Variants in SNX29 observed in about 807,000 individuals in gnomAD.
SNX29 encodes sorting nexin-29.
In SNX29, 78 loss-of-function variants were observed where a neutral mutation model predicts 102.1. The observed-to-expected ratio is 0.76, with a 90% CI of 0.64 to 0.92. The LOEUF is 0.92. SNX29 is among the 40% of genes least tolerant of loss of function. The pLI, the probability that SNX29 is intolerant of heterozygous loss-of-function variation, is 0.00. For synonymous variants in SNX29, 580 were observed against 414.5 expected (o/e 1.40, Z -4.85); for missense variants, 1,280 against 1,061.7 (o/e 1.21, Z -2.86).
intron 14 of SNX29, among the ~76,000 whole-genome samples, chr16:12,221,159 G>A (rs971878603): frequency 1.2e-4 from 18 of 151,452 alleles, no homozygotes; most frequent in Admixed American, 8.6e-4. Flanking sequence ...CGAGGCACAC[G>A]TAGTAATCTC....
intron 11 of SNX29, among the ~76,000 whole-genome samples, chr16:12,123,660 C>T (rs560636419): frequency 2.6e-5 from 4 of 152,256 alleles, no homozygotes; most frequent in East Asian, 1.9e-4. Context: ...GTACAGCCAG[C>T]GGCCCCAACT....
chr16:12,536,765 C>G (rs1009084853), intron 20 of SNX29, among the ~76,000 whole-genome samples: 4 of 152,108 alleles, frequency 2.6e-5, no homozygotes, highest in African/African-American at 7.2e-5. Context: ...ATCAGGAGGC[C>G]AGGAGTTTCA....
At chr16:12,524,379 G>A (rs1262482714) in intron 19 of SNX29, among the ~76,000 whole-genome samples, 2 of 151,790 alleles carry the variant, frequency 1.3e-5, no homozygotes, top group African/African-American at 4.8e-5. Context: ...CCACAGCAGT[G>A]TGTTCATTGT....
intron 14 of SNX29, among the ~76,000 whole-genome samples, chr16:12,243,878 A>G (rs1421291830): frequency 6.6e-6 from 1 of 152,210 alleles, no homozygotes; most frequent in Non-Finnish European, 1.5e-5. Context: ...GTATCTTTGC[A>G]TAAGTCCATT....
chr16:12,043,030 C>T lies in SNX29; in HGVS notation c.381C>T (p.Ser127=), dbSNP rs369593146. ...AWLRCALNEH[S]LERYLHMLLA... is the part of the protein sequence containing the mutation. ...TGCGCTGTGCCCTCAACGAACACTC[C>T]CTGGAGCGCTACCTGCACATGCTCC... The change falls in exon 5 of 21, where the codon TCC becomes TCT. Residue 127 remains serine, a synonymous_variant. Transcript: ENST00000566228. 39 of 1,613,438 alleles carry T rather than the reference C, an allele frequency of 2.4e-5. No homozygotes were observed. The highest frequency in any genetic ancestry group is 1.8e-4 in the East Asian group (8 of 44,898).
intron 18 of SNX29, among the ~76,000 whole-genome samples, chr16:12,470,181 A>G (rs979080426): frequency 1.3e-5 from 2 of 152,236 alleles, no homozygotes; most frequent in Admixed American, 1.3e-4. Context: ...CATGCAGAAA[A>G]AAGTATTTAG....
intron 11 of SNX29, among the ~76,000 whole-genome samples, chr16:12,086,507 C>T (rs2052199583): frequency 6.6e-6 from 1 of 152,098 alleles, no homozygotes; most frequent in South Asian, 2.1e-4. Context: ...AACTCCTGGG[C>T]TTAAGCGATC....
chr16:12,086,117 C>T (rs892936855), intron 11 of SNX29, among the ~76,000 whole-genome samples: 1 of 151,854 alleles, frequency 6.6e-6, no homozygotes, highest in African/African-American at 2.4e-5. Flanking sequence ...CATTCTCCTG[C>T]CTCAGCCTCC....
At chr16:12,282,029 A>G (rs2079446630) in intron 15 of SNX29, among the ~76,000 whole-genome samples, 1 of 136,362 alleles carries the variant, frequency 7.3e-6, no homozygotes, top group South Asian at 2.5e-4. Context: ...AGTTGCAGTG[A>G]GCTGGGATCA....
chr16:12,051,038 T>G (rs1316460728), intron 7 of SNX29, among the ~76,000 whole-genome samples: 11 of 152,230 alleles, frequency 7.2e-5, no homozygotes, highest in Non-Finnish European at 1.5e-4. Context: ...CCACATTCTT[T>G]TGGTAGAAGC....
intron 14 of SNX29, among the ~76,000 whole-genome samples, chr16:12,247,741 T>G (rs753435239): frequency 2.7e-4 from 41 of 152,180 alleles, no homozygotes; most frequent in Admixed American, 1.5e-3. Context: ...AGTTTTTAAT[T>G]TTTTTAAATG....
intron 14 of SNX29, among the ~76,000 whole-genome samples, chr16:12,264,740 C>T (rs1382758892): frequency 6.6e-6 from 1 of 151,768 alleles, no homozygotes; most frequent in Non-Finnish European, 1.5e-5. Context: ...CGAGATCATG[C>T]CACTGCACTC....
intron 20 of SNX29, among the ~76,000 whole-genome samples, chr16:12,549,379 C>T (rs1026568187): frequency 2.2e-4 from 33 of 152,166 alleles, no homozygotes; most frequent in African/African-American, 7.0e-4. Context: ...CCTGTAGTCC[C>T]AGCTACTCAG....
chr16:12,289,114 G>A (rs1323476250), intron 15 of SNX29, among the ~76,000 whole-genome samples: 1 of 152,200 alleles, frequency 6.6e-6, no homozygotes. Flanking sequence ...ATTCTAGCTG[G>A]CGACACGGTT....
chr16:12,504,266 G>A (rs2089269741), intron 19 of SNX29, among the ~76,000 whole-genome samples: 3 of 152,112 alleles, frequency 2.0e-5, no homozygotes, highest in African/African-American at 7.2e-5. Context: ...CATGTACCAG[G>A]TGATTCACCC....
intron 13 of SNX29, among the ~76,000 whole-genome samples, chr16:12,191,354 C>T (rs1433551143): frequency 6.6e-6 from 1 of 152,162 alleles, no homozygotes; most frequent in African/African-American, 2.4e-5. Flanking sequence ...TCTGGAGTTG[C>T]ACTGTCTGCT....
At chr16:12,466,531 AC>A (rs1284640849) in intron 18 of SNX29, among the ~76,000 whole-genome samples, 2 of 151,574 alleles carry the variant, frequency 1.3e-5, no homozygotes, top group South Asian at 2.1e-4. Flanking sequence ...CAGATGTGGC[AC>A]CCCCCCTTCC....
intron 1 of SNX29, among the ~76,000 whole-genome samples, chr16:11,994,203 G>C (rs943286425): frequency 3.9e-5 from 6 of 152,212 alleles, no homozygotes; most frequent in African/African-American, 1.4e-4. Context: ...ATTCTGAGTA[G>C]AGTTAGGGAG....
Position 12,052,201 on chromosome 16 carries a change from GC to G in SNX29, c.1105del (p.His369ThrfsTer24). 6.2e-7 allele frequency: 1 copy of G among 1,613,946 alleles called. No homozygotes were observed. On this transcript the variant is annotated frameshift_variant, in exon 8 of 21. Coordinates refer to ENST00000566228, the MANE Select transcript of SNX29 (RefSeq NM_032167.5). LOFTEE classifies it high-confidence loss of function. ...YGNSSGRKHR[G>X]HSESPEKPLE... is the part of the protein sequence containing the mutation. ...AACTCATCAGGAAGGAAGCACAGGG[GC>G]CACTCGGAGTCGCCCGAGAAGTAAG... is the stretch of plus-strand genomic sequence containing the variant.
Sources: allele counts gnomAD v4.1 joint callset (sites outside exome capture counted in the v4.1 genomes callset), GRCh38; gene constraint gnomAD v4.1.1; transcripts MANE v1.5; gene names NCBI Gene and HGNC (gene_info 2026-07-23, HGNC 2026-07-21).